The following DPYD variants were observed in gnomAD, a reference collection of about 807,000 sequenced individuals.
DPYD encodes dihydropyrimidine dehydrogenase.
Under a neutral mutation model 116.2 loss-of-function variants are expected in DPYD, and 109 were observed. That is an observed-to-expected ratio of 0.94 (90% CI 0.80 to 1.10). The LOEUF (loss-of-function observed/expected upper bound fraction) is 1.10. Among genes scored for constraint, DPYD ranks in the 50% least tolerant of loss-of-function variants. The pLI, the probability that DPYD is intolerant of heterozygous loss-of-function variation, is 0.00. For missense variants in DPYD, 1,302 were observed against 1,254.5 expected (o/e 1.04, Z -0.57); for synonymous variants, 440 against 432.0 (o/e 1.02, Z -0.23).
chr1:97,490,403 C>G (rs1175645868), intron 13 of DPYD, among the ~76,000 whole-genome samples: 1 of 146,878 alleles, frequency 6.8e-6, no homozygotes, highest in Non-Finnish European at 1.5e-5. Context: ...ACATATATTA[C>G]AATTATATAT....
chr1:97,762,716 T>A (rs1359307296), intron 3 of DPYD, among the ~76,000 whole-genome samples: 2 of 152,080 alleles, frequency 1.3e-5, no homozygotes, highest in African/African-American at 4.8e-5. Context: ...AGAATATAAT[T>A]GTCTTTTTTT....
intron 10 of DPYD, among the ~76,000 whole-genome samples, chr1:97,580,568 A>G (rs894798702): frequency 6.6e-5 from 10 of 152,214 alleles, no homozygotes; most frequent in Non-Finnish European, 8.8e-5. Flanking sequence ...TGTAGGTAAT[A>G]ATGTATGACA....
At chr1:97,158,428 T>C (rs1407667117) in intron 20 of DPYD, among the ~76,000 whole-genome samples, 3 of 149,522 alleles carry the variant, frequency 2.0e-5, no homozygotes, top group Non-Finnish European at 4.4e-5. Context: ...CTTCTGGTAA[T>C]GGCAGAATAC....
At chr1:97,640,278 C>A (rs929583321) in intron 8 of DPYD, among the ~76,000 whole-genome samples, 2 of 151,848 alleles carry the variant, frequency 1.3e-5, no homozygotes, top group South Asian at 4.2e-4. Flanking sequence ...CTTGTAGAAG[C>A]ATTTTTACTT....
chr1:97,082,660 G>C (rs1011671988), intron 21 of DPYD, among the ~76,000 whole-genome samples, 190 bp from the exon 22 acceptor site: 2 of 152,046 alleles, frequency 1.3e-5, no homozygotes, highest in African/African-American at 4.8e-5. Flanking sequence ...TCTGAAAGAT[G>C]GGCAATATGC....
At chr1:97,797,701 T>G (rs1667640740) in intron 3 of DPYD, 1 of 152,078 alleles carries the variant, frequency 6.6e-6, no homozygotes, top group Admixed American at 6.6e-5. Flanking sequence ...GGGCATACTG[T>G]TTATATTAGT....
intron 8 of DPYD, among the ~76,000 whole-genome samples, chr1:97,661,461 C>T (rs1281387450): frequency 6.6e-6 from 1 of 152,022 alleles, no homozygotes; most frequent in Non-Finnish European, 1.5e-5. Flanking sequence ...TAGGAGAATA[C>T]AATATTTAAC....
At position 97,724,302 on chromosome 1, in the gene DPYD, GGGGGGGTGTGTGTGTGTGTGTGTGTGT is replaced by G. The variant is rs1266173410; in HGVS notation, c.322-2658_322-2632del. 3.0e-3 allele frequency among the ~76,000 whole-genome samples: 45 copies of G among 14,940 alleles called. 1 individual carries two copies. Among genetic ancestry groups the G allele is most frequent in the African/African-American group, 0.012 (45 of 3,862 alleles). 9.8% of individuals were successfully genotyped at this position (14,940 alleles called of 152,430 possible). A position where few individuals can be genotyped will look rare whatever the true frequency, so the allele number is the denominator to read the frequency against. On this transcript the variant is annotated intron_variant, in intron 4 of 22. Transcript: ENST00000370192. ...AAGAATAGGATGTATGTGGGGGGGGGGGGGGGTGTGTGTGTGTGTGTGTGTGTGTGTGTGTGTGTGTGTGTGTGTGTG... is the reference window on the plus strand; with the variant it reads ...AAGAATAGGATGTATGTGGGGGGGGGGTGTGTGTGTGTGTGTGTGTGTGTG...
chr1:97,517,378 G>C (rs145073244), intron 12 of DPYD, among the ~76,000 whole-genome samples: 1 of 152,108 alleles, frequency 6.6e-6, no homozygotes, highest in African/African-American at 2.4e-5. Flanking sequence ...AATTTGAGGT[G>C]TGTGTATGTA....
intron 2 of DPYD, among the ~76,000 whole-genome samples, chr1:97,835,832 T>G (rs965916885): frequency 3.3e-5 from 5 of 152,118 alleles, no homozygotes; most frequent in African/African-American, 1.2e-4. Context: ...CATTATAATT[T>G]ACTTACTCAC....
intron 20 of DPYD, among the ~76,000 whole-genome samples, chr1:97,177,550 A>T (rs1657370955): frequency 6.6e-6 from 1 of 151,206 alleles, no homozygotes; most frequent in Non-Finnish European, 1.5e-5. Context: ...AAAGAAATTC[A>T]GACCATTCTT....
intron 13 of DPYD, among the ~76,000 whole-genome samples, chr1:97,469,924 C>T (rs1280729002): frequency 3.3e-5 from 5 of 152,046 alleles, no homozygotes; most frequent in Non-Finnish European, 7.4e-5. Context: ...AAAAGTGTTC[C>T]TAATATATAA....
rs142914942 is a variant in DPYD, at chr1:97,327,807, T to C, written c.2059-21510A>G. ...ATGTTGAGATTATTTCCAGGTTTTG[T>C]TATAAATAACATGGCACTAAATCTC... On this transcript the variant is annotated intron_variant, in intron 16 of 22. Transcript: ENST00000370192. Among the ~76,000 whole-genome samples the C allele has an allele frequency of 2.6e-3, 399 of 152,276 alleles. 2 individuals carry two copies. The highest frequency in any genetic ancestry group is 9.3e-3 in the African/African-American group (387 of 41,584).
chr1:97,649,749 A>G (rs557721643), intron 8 of DPYD, among the ~76,000 whole-genome samples: 75 of 152,214 alleles, frequency 4.9e-4, no homozygotes, highest in African/African-American at 1.7e-3. Context: ...GGAAGTAGGA[A>G]GTTCCAAAAA....
intron 8 of DPYD, among the ~76,000 whole-genome samples, chr1:97,662,897 A>T (rs1308071792): frequency 6.6e-6 from 1 of 152,198 alleles, no homozygotes; most frequent in South Asian, 2.1e-4. Context: ...GTAGTCACAC[A>T]GTTTCACTGG....
intron 14 of DPYD, among the ~76,000 whole-genome samples, chr1:97,398,419 G>A (rs1405698582): frequency 6.6e-6 from 1 of 152,140 alleles, no homozygotes; most frequent in Non-Finnish European, 1.5e-5. Flanking sequence ...GTGTGCATGT[G>A]TCTTTATAGC....
intron 18 of DPYD, among the ~76,000 whole-genome samples, chr1:97,269,449 A>C (rs1664437933): frequency 6.6e-6 from 1 of 151,446 alleles, no homozygotes; most frequent in African/African-American, 2.4e-5. Context: ...TCATTTCCAC[A>C]TTTTCAGATA....
chr1:97,391,483 A>G (rs1279988830), intron 14 of DPYD, among the ~76,000 whole-genome samples: 2 of 152,026 alleles, frequency 1.3e-5, no homozygotes, highest in East Asian at 3.9e-4. Flanking sequence ...GTTAAAAAAT[A>G]ATAATAATTC....
intron 2 of DPYD, among the ~76,000 whole-genome samples, chr1:97,835,057 T>C (rs558462721): frequency 2.0e-5 from 3 of 152,196 alleles, no homozygotes; most frequent in Admixed American, 6.5e-5. Flanking sequence ...TAATCATATT[T>C]AGCTAATGTC....
Sources: gnomAD v4.1 joint callset for allele counts (sites outside exome capture counted in the v4.1 genomes callset) on GRCh38, gnomAD v4.1.1 for gene constraint, MANE v1.5 for transcripts, NCBI Gene and HGNC (gene_info 2026-07-23, HGNC 2026-07-21) for gene names.